The following CRYGD variants were observed in gnomAD, a reference collection of about 807,000 sequenced individuals.
CRYGD encodes the protein crystallin gamma D.
Under a neutral mutation model 11.3 loss-of-function variants are expected in CRYGD, and 13 were observed. The observed-to-expected ratio is 1.15, with a 90% confidence interval of 0.75 to 1.83. The LOEUF is 1.83. CRYGD is among the 40% of genes most tolerant of loss of function. The pLI is 0.00. For missense variants in CRYGD, 231 were observed against 229.9 expected, an observed-to-expected ratio of 1.00 and a Z score of -0.03; for synonymous variants, 77 against 89.5, an observed-to-expected ratio of 0.86 and a Z score of 0.79.
At position 208,121,611 on chromosome 2, in the gene CRYGD, A is replaced by T. The variant is rs1442595580; in HGVS notation, c.*62T>A. The T allele has an allele frequency of 6.3e-7, 1 of 1,590,274 alleles. No homozygotes were observed. Among genetic ancestry groups the T allele is most frequent in the Non-Finnish European group, 8.6e-7 (1 of 1,167,176 alleles). The stretch of plus-strand genomic sequence containing the variant: ...AGAAAGACACAAGCAAATCAGTGCC[A>T]GGAACACACAGAAAATATTTTATTA... On this transcript the variant is annotated 3_prime_UTR_variant, in exon 3 of 3. Transcript: ENST00000264376.
rs78081166 is a variant in CRYGD, at chr2:208,122,114, C to A, written c.253-169G>T. Among the ~76,000 whole-genome samples the A allele has an allele frequency of 0.097, 14,719 of 152,092 alleles. 726 individuals are homozygous for A. The highest frequency in any genetic ancestry group is 0.12 in the African/African-American group (5,015 of 41,472). On this transcript the variant is annotated intron_variant, in intron 2 of 2. Coordinates refer to ENST00000264376, the MANE Select transcript of CRYGD (RefSeq NM_006891.4). ...CTCCTCATTACCGAGCACAGAGATT[C>A]AGTACCTTTTCAAGATTATGAAGTG...
chr2:208,123,520 T>C (rs1378584556), intron 2 of CRYGD, among the ~76,000 whole-genome samples: 1 of 151,518 alleles, frequency 6.6e-6, no homozygotes, highest in Non-Finnish European at 1.5e-5. Context: ...CAATTAATTC[T>C]AAGTCAATAA....
In CRYGD at chr2:208,122,211, A is replaced by G. The variant is rs6746206; in HGVS notation, c.253-266T>C. 0.38 allele frequency among the ~76,000 whole-genome samples: 57,824 copies of G among 151,834 alleles called. 12,137 individuals carry two copies. Among genetic ancestry groups the G allele is most frequent in the Non-Finnish European group, 0.47 (31,810 of 67,924 alleles). On this transcript the variant is annotated intron_variant, in intron 2 of 2. Coordinates refer to ENST00000264376, the MANE Select transcript of CRYGD (RefSeq NM_006891.4). ...TATTTCTTAGGATGAGCTGCCTCCTAGGCTCAGTATCCTGTACCACATGCA... is the reference window on the plus strand; with the variant it reads ...TATTTCTTAGGATGAGCTGCCTCCTGGGCTCAGTATCCTGTACCACATGCA...
chr2:208,122,139 G>A (rs1383187961), intron 2 of CRYGD, among the ~76,000 whole-genome samples, 194 bp from the exon 3 acceptor site: 2 of 152,062 alleles, frequency 1.3e-5, no homozygotes, highest in African/African-American at 4.8e-5. Context: ...ATTATGAAGT[G>A]TGGTGAAGAA....
chr2:208,121,808 G>A lies in CRYGD; in HGVS notation c.390C>T (p.Ser130=), dbSNP rs140234939. ...AGTTGGACAGCTCGTAGAGGACCCAGGAGCCCTCCAGCACGTTGAGGGAGT... is the reference window on the plus strand; with the variant it reads ...AGTTGGACAGCTCGTAGAGGACCCAAGAGCCCTCCAGCACGTTGAGGGAGT... ...EIHSLNVLEG[S]WVLYELSNYR... is the part of the protein sequence containing the mutation. Residue 130 remains serine (S), a synonymous_variant, in exon 3 of 3, where the codon TCC becomes TCT. Transcript: ENST00000264376. The A allele has an allele frequency of 1.9e-6, 3 of 1,614,074 alleles. No homozygotes were observed. The African/African-American group carries it at 4.0e-5, about 22-fold the overall frequency.
rs11677829 is a variant in CRYGD, at chr2:208,123,795, C to T, written c.252+317G>A. 0.27 allele frequency among the ~76,000 whole-genome samples: 41,348 copies of T among 152,114 alleles called. 6,754 individuals carry two copies. Among genetic ancestry groups the T allele is most frequent in the South Asian group, 0.37 (1,786 of 4,828 alleles). Reference sequence around the variant, plus strand: ...ACTGCTGTACGCTCTAGCATTTATTCTTCTATTGGGTATTAGTGGTTTTTC... The same window carrying T: ...ACTGCTGTACGCTCTAGCATTTATTTTTCTATTGGGTATTAGTGGTTTTTC... On this transcript the variant is annotated intron_variant, in intron 2 of 2. Transcript: ENST00000264376.
intron 2 of CRYGD, 63 bp from the exon 3 acceptor site, chr2:208,122,008 A>G (rs917114876): frequency 6.2e-7 from 1 of 1,609,870 alleles, no homozygotes; most frequent in Non-Finnish European, 8.5e-7. Context: ...ATGCATTGTT[A>G]GGCAGTCCAG....
intron 2 of CRYGD, among the ~76,000 whole-genome samples, chr2:208,122,683 C>T (rs529461353): frequency 6.0e-5 from 9 of 150,290 alleles, no homozygotes; most frequent in African/African-American, 1.5e-4. Context: ...ACGAATATGG[C>T]GAAACCTTGT....
At chr2:208,123,808 T>C (rs1023800135) in intron 2 of CRYGD, among the ~76,000 whole-genome samples, 1 of 152,214 alleles carries the variant, frequency 6.6e-6, no homozygotes, top group African/African-American at 2.4e-5. Flanking sequence ...CTATTGGGTA[T>C]TAGTGGTTTT....
In CRYGD at chr2:208,122,966, C is replaced by T. The variant is rs188947916; in HGVS notation, c.253-1021G>A. Among the ~76,000 whole-genome samples the T allele has an allele frequency of 5.8e-3, 872 of 149,342 alleles. 9 individuals are homozygous for T. Among genetic ancestry groups the T allele is most frequent in the African/African-American group, 0.02 (829 of 40,862 alleles). On this transcript the variant is annotated intron_variant, in intron 2 of 2. Coordinates refer to ENST00000264376, the MANE Select transcript of CRYGD (RefSeq NM_006891.4). ...TCCAGCTACTCAGGAGACTGAGAGA[C>T]GAGAATCATTTGAATCCAGGAGGCG...
At chr2:208,122,001 C>G in intron 2 of CRYGD, 56 bp from the exon 3 acceptor site, 1 of 1,610,768 alleles carries the variant, frequency 6.2e-7, no homozygotes. Flanking sequence ...GATTCCAATG[C>G]ATTGTTAGGC....
At chr2:208,124,378 C>G in intron 1 of CRYGD, 24 bp from the exon 2 acceptor site, 2 of 1,610,474 alleles carry the variant, frequency 1.2e-6, no homozygotes, top group Non-Finnish European at 1.7e-6. Flanking sequence ...CGGGACAAGG[C>G]GAGGTCTCAC....
At position 208,124,268 on chromosome 2, in the gene CRYGD, G is replaced by C. The variant is rs1196625448; in HGVS notation, c.96C>G (p.Arg32=). ...CGCTGTCCACGCGCGCCGAGTTGCA[G>C]CGGCTCAAGTAGGGCTGCAGGTTGG... The part of the protein sequence containing the change: ...DHPNLQPYLS[R]CNSARVDSGC... Residue 32 remains arginine (R), a synonymous_variant, in exon 2 of 3, where the codon CGC becomes CGG. Coordinates refer to ENST00000264376, the MANE Select transcript of CRYGD (RefSeq NM_006891.4). 1 of 1,612,146 alleles carries C rather than the reference G, an allele frequency of 6.2e-7. No individual in the cohort carries two copies. Among genetic ancestry groups the C allele is most frequent in the Non-Finnish European group, 8.5e-7 (1 of 1,179,432 alleles).
At chr2:208,124,067 G>T (rs775426347) in intron 2 of CRYGD, 45 bp downstream of exon 2, 2 of 1,611,326 alleles carry the variant, frequency 1.2e-6, no homozygotes, top group Non-Finnish European at 8.5e-7. Context: ...AAACCATCCA[G>T]TGAGTGTCCT....
chr2:208,124,336 G>T lies in CRYGD; in HGVS notation c.28C>A (p.Arg10=). The part of the protein sequence containing the change: MGKITLYED[R]GFQGRHYECS... The stretch of plus-strand genomic sequence containing the variant: ...TCATAGTGGCGGCCCTGGAAGCCCC[G>T]GTCCTCGTAGAGGGTGATCTGCAAG... Residue 10 remains arginine, a synonymous_variant, in exon 2 of 3, where the codon CGG becomes AGG. Transcript: ENST00000264376. The T allele has an allele frequency of 6.2e-7, 1 of 1,610,640 alleles. No individual in the cohort carries two copies.
chr2:208,124,300 C>G lies in CRYGD; in HGVS notation c.64G>C (p.Asp22His), dbSNP rs752421967. 6.2e-7 allele frequency: 1 copy of G among 1,610,824 alleles called. No individual in the cohort carries two copies. The highest frequency in any genetic ancestry group is 1.1e-5 in the South Asian group (1 of 90,656). ...AAGTAGGGCTGCAGGTTGGGGTGGT[C>G]GCTGCTGCATTCATAGTGGCGGCCC... ...FQGRHYECSS[D>H]HPNLQPYLSR... Residue 22 changes from aspartate (D) to histidine (H), a missense_variant, in exon 2 of 3, where the codon GAC becomes CAC. Transcript: ENST00000264376.
intron 2 of CRYGD, 129 bp downstream of exon 2, chr2:208,123,983 C>G (rs1694922896): frequency 7.3e-7 from 1 of 1,366,168 alleles, no homozygotes; most frequent in East Asian, 2.4e-5. Flanking sequence ...TTGACTTAAT[C>G]CACTATAGTT....
chr2:208,124,046 A>T, intron 2 of CRYGD, 66 bp downstream of exon 2: 2 of 1,608,056 alleles, frequency 1.2e-6, no homozygotes, highest in Non-Finnish European at 1.7e-6. Context: ...CTAATGTTTA[A>T]CTTTTGCTTG....
At chr2:208,122,096 T>G (rs762290368) in intron 2 of CRYGD, 151 bp from the exon 3 acceptor site, 27 of 1,130,266 alleles carry the variant, frequency 2.4e-5, no homozygotes, top group African/African-American at 4.6e-5. Context: ...AAACTCCTCA[T>G]TACCGAGCAC....
Sources: allele counts gnomAD v4.1 joint callset (sites outside exome capture counted in the v4.1 genomes callset), GRCh38; gene constraint gnomAD v4.1.1; transcripts MANE v1.5; gene names NCBI Gene and HGNC (gene_info 2026-07-23, HGNC 2026-07-21).